SPON1: variants seen among roughly 807,000 people sequenced by gnomAD.
The protein encoded by SPON1 is spondin-1.
In SPON1, 52 loss-of-function variants were observed where a neutral mutation model predicts 111.7. That is an observed-to-expected ratio of 0.47 (90% CI 0.37 to 0.59). The LOEUF (loss-of-function observed/expected upper bound fraction) is 0.59. Among genes scored for constraint, SPON1 ranks in the 20% least tolerant of loss-of-function variants. The probability of loss-of-function intolerance (pLI) is 0.00; values close to 1 mark genes in which losing one functional copy is unlikely to be tolerated. For missense variants in SPON1, 957 were observed against 1,068.5 expected (o/e 0.90, Z 1.46); for synonymous variants, 410 against 395.8 (o/e 1.04, Z -0.43).
intron 2 of SPON1, among the ~76,000 whole-genome samples, chr11:13,995,436 G>A (rs537260575): frequency 1.3e-5 from 2 of 152,294 alleles, no homozygotes; most frequent in African/African-American, 4.8e-5. Flanking sequence ...AGAAGGCAAA[G>A]GGGGAGCAGT....
In SPON1 at chr11:14,034,361, G is replaced by A. The variant is rs782234790; in HGVS notation, c.346-7160G>A. 1.3e-5 allele frequency among the ~76,000 whole-genome samples: 2 copies of A among 151,500 alleles called. 1 individual carries two copies. Among genetic ancestry groups the A allele is most frequent in the South Asian group, 4.1e-4 (2 of 4,830 alleles). On this transcript the variant is annotated intron_variant, in intron 2 of 15. Coordinates refer to ENST00000576479, the MANE Select transcript of SPON1 (RefSeq NM_006108.4). ...CTGCCATTTAGTTGGTAGCTAACAC[G>A]GTAGGATTCTGAGACCCACTCTAGA...
intron 6 of SPON1, among the ~76,000 whole-genome samples, chr11:14,204,845 CG>C (rs1848500752): frequency 1.3e-5 from 2 of 151,988 alleles, no homozygotes; most frequent in African/African-American, 4.8e-5. Flanking sequence ...CCACCACCCC[CG>C]GCTAATTTTT....
chr11:14,005,805 A>G (rs908594979), intron 2 of SPON1, among the ~76,000 whole-genome samples: 1 of 152,202 alleles, frequency 6.6e-6, no homozygotes, highest in East Asian at 1.9e-4. Flanking sequence ...GGGTCATTCA[A>G]TAGAATGTTA....
intron 1 of SPON1, among the ~76,000 whole-genome samples, chr11:13,966,646 C>T (rs1445863322): frequency 1.3e-5 from 2 of 152,168 alleles, no homozygotes; most frequent in Non-Finnish European, 2.9e-5. Flanking sequence ...GGTTTGGAGA[C>T]CTCCAAAGCT....
chr11:14,018,272 T>C (rs1388938180), intron 2 of SPON1, among the ~76,000 whole-genome samples: 5 of 152,206 alleles, frequency 3.3e-5, no homozygotes, highest in Admixed American at 2.6e-4. Context: ...AGGAAGCCCT[T>C]AGTAGGTCCC....
chr11:13,993,824 C>T (rs1463319597), intron 2 of SPON1, among the ~76,000 whole-genome samples: 2 of 152,182 alleles, frequency 1.3e-5, no homozygotes, highest in Admixed American at 1.3e-4. Flanking sequence ...GAATTTTAAG[C>T]ACAGCATTTG....
At chr11:14,168,651 C>CACT (rs1848061715) in intron 6 of SPON1, among the ~76,000 whole-genome samples, 1 of 150,600 alleles carries the variant, frequency 6.6e-6, no homozygotes. Flanking sequence ...TATCCCTCCC[C>CACT]CGCCCCCACC....
At chr11:14,173,586 C>T (rs539373754) in intron 6 of SPON1, among the ~76,000 whole-genome samples, 11 of 152,204 alleles carry the variant, frequency 7.2e-5, no homozygotes, top group East Asian at 3.9e-4. Flanking sequence ...TTAGAGTTTC[C>T]GGTTTTTCTG....
At chr11:14,035,194 T>G (rs1554916490) in intron 2 of SPON1, among the ~76,000 whole-genome samples, 3 of 152,070 alleles carry the variant, frequency 2.0e-5, no homozygotes, top group African/African-American at 7.2e-5. Flanking sequence ...AGAGAGAAAT[T>G]TCCTGCCTAT....
intron 6 of SPON1, among the ~76,000 whole-genome samples, chr11:14,196,386 T>C (rs1848402380): frequency 1.3e-5 from 2 of 152,188 alleles, no homozygotes. Context: ...GAAAATGTTC[T>C]AAATCTATTG....
intron 6 of SPON1, among the ~76,000 whole-genome samples, chr11:14,178,208 G>A (rs1260221542): frequency 1.3e-5 from 2 of 152,068 alleles, no homozygotes; most frequent in African/African-American, 4.8e-5. Flanking sequence ...GGATCACAAG[G>A]TCAGGAGATC....
rs1004713059 is a variant in SPON1, at chr11:14,122,829, G to A, written c.677-12591G>A. The stretch of plus-strand genomic sequence containing the variant: ...TGATAATAGCTGTTTTAAAGTTCTT[G>A]TACGTTAGTTCCACATGTCAGTCAT... On this transcript the variant is annotated intron_variant, in intron 5 of 15. Coordinates refer to ENST00000576479, the MANE Select transcript of SPON1 (RefSeq NM_006108.4). 2.8e-4 allele frequency among the ~76,000 whole-genome samples: 43 copies of A among 151,734 alleles called. 1 individual carries two copies. Among genetic ancestry groups the A allele is most frequent in the Non-Finnish European group, 7.4e-5 (5 of 67,990 alleles).
At chr11:14,181,238 A>T (rs1848232479) in intron 6 of SPON1, among the ~76,000 whole-genome samples, 1 of 152,164 alleles carries the variant, frequency 6.6e-6, no homozygotes, top group Non-Finnish European at 1.5e-5. Context: ...GCTACACCAG[A>T]TGGCTTTCCC....
At chr11:14,208,187 A>G (rs892900275) in intron 6 of SPON1, among the ~76,000 whole-genome samples, 2 of 152,186 alleles carry the variant, frequency 1.3e-5, no homozygotes, top group African/African-American at 4.8e-5. Context: ...GGAACAATGC[A>G]TGCTGGGGCC....
chr11:14,182,416 C>A (rs557049260), intron 6 of SPON1, among the ~76,000 whole-genome samples: 4 of 152,136 alleles, frequency 2.6e-5, no homozygotes, highest in Non-Finnish European at 5.9e-5. Context: ...ACAAGAGCAG[C>A]GCTTATGTCT....
chr11:13,989,030 G>A (rs193152959), intron 2 of SPON1, among the ~76,000 whole-genome samples: 15 of 152,028 alleles, frequency 9.9e-5, no homozygotes, highest in African/African-American at 3.6e-4. Flanking sequence ...CTGTCTCTGT[G>A]AGGTTTTGGT....
chr11:14,204,786 G>A (rs917533049), intron 6 of SPON1, among the ~76,000 whole-genome samples: 1 of 151,946 alleles, frequency 6.6e-6, no homozygotes, highest in African/African-American at 2.4e-5. Flanking sequence ...CCGGGTTCAC[G>A]CCATTCTCCT....
chr11:14,210,161 G>C (rs1433705638), intron 6 of SPON1, among the ~76,000 whole-genome samples: 1 of 152,054 alleles, frequency 6.6e-6, no homozygotes, highest in Non-Finnish European at 1.5e-5. Context: ...CTGGATATTA[G>C]ACCTTTGTCA....
intron 6 of SPON1, among the ~76,000 whole-genome samples, chr11:14,175,647 A>T (rs563073258): frequency 6.6e-6 from 1 of 152,142 alleles, no homozygotes; most frequent in Non-Finnish European, 1.5e-5. Context: ...TTTTACTCAA[A>T]CAGAGAAAGA....
Sources: allele counts gnomAD v4.1 joint callset (sites outside exome capture counted in the v4.1 genomes callset), GRCh38; gene constraint gnomAD v4.1.1; transcripts MANE v1.5; gene names NCBI Gene and HGNC (gene_info 2026-07-23, HGNC 2026-07-21).